Variants in TOX observed in about 807,000 individuals in gnomAD.
TOX encodes the protein thymocyte selection-associated high mobility group box protein TOX.
In TOX, 11 loss-of-function variants were observed where a neutral mutation model predicts 53.7. The ratio of observed to expected loss-of-function variants is 0.20; its 90% CI spans 0.13 to 0.34. The LOEUF (loss-of-function observed/expected upper bound fraction) is 0.34. Among genes scored for constraint, TOX ranks in the 10% least tolerant of loss-of-function variants. The pLI is 1.00. For synonymous variants in TOX, 225 were observed against 245.3 expected, an observed-to-expected ratio of 0.92 and a Z score of 0.77; for missense variants, 570 against 664.6, an observed-to-expected ratio of 0.86 and a Z score of 1.56.
In TOX at chr8:59,089,119, C is replaced by T. The variant is rs530090308; in HGVS notation, c.102+29767G>A. On this transcript the variant is annotated intron_variant, in intron 1 of 8. Coordinates refer to ENST00000361421, the MANE Select transcript of TOX (RefSeq NM_014729.3). ...CTCTGAAATCACTTTGTGAAAGGCA[C>T]GCTAACAGAGCTTCATGCTGATAAT... Among the ~76,000 whole-genome samples, 39 of 152,302 alleles carry T rather than the reference C, an allele frequency of 2.6e-4. No individual in the cohort carries two copies. In the South Asian group the frequency reaches 2.7e-3, roughly 11 times the overall value.
rs199780516 is a variant in TOX, at chr8:58,815,765, A to G, written c.1006-41T>C. 73 of 1,554,408 alleles carry G rather than the reference A, an allele frequency of 4.7e-5. No homozygotes were observed. The Middle Eastern group carries it at 8.7e-4, about 18-fold the overall frequency. On this transcript the variant is annotated intron_variant, in intron 6 of 8. Coordinates refer to ENST00000361421, the MANE Select transcript of TOX (RefSeq NM_014729.3). ...ATGAGCAGAGTTGGGAGGCTGATAC[A>G]TGAGTGTTGATTCAAGGTATGACGC...
chr8:59,021,858 A>G (rs1814143157), intron 1 of TOX, among the ~76,000 whole-genome samples: 1 of 152,112 alleles, frequency 6.6e-6, no homozygotes, highest in South Asian at 2.1e-4. Flanking sequence ...ATTAAATTTT[A>G]TTAGGTGATA....
At chr8:59,006,432 A>G (rs1813793885) in intron 1 of TOX, among the ~76,000 whole-genome samples, 1 of 152,170 alleles carries the variant, frequency 6.6e-6, no homozygotes, top group Non-Finnish European at 1.5e-5. Flanking sequence ...GGATGTTTGC[A>G]CTGGGGAAGG....
At position 58,959,954 on chromosome 8, in the gene TOX, G is replaced by A; in HGVS notation, c.157C>T (p.Pro53Ser). The change falls in exon 2 of 9, where the codon CCA becomes TCA. Residue 53 changes from proline to serine, a missense_variant. Pro to Ser is a moderately conservative substitution (Grantham distance 74). Transcript: ENST00000361421. ...SMTEPSQDYV[P>S]ASQSYPGPSL... is the part of the protein sequence containing the mutation. ...ATTAATTAACCCACCTGGCTGGCTG[G>A]CACATAGTCCTGGCTCGGCTCTGTC... 1 of 1,614,188 alleles carries A rather than the reference G, an allele frequency of 6.2e-7. No homozygotes were observed. Among genetic ancestry groups the A allele is most frequent in the Non-Finnish European group, 8.5e-7 (1 of 1,180,034 alleles).
chr8:58,955,106 T>G (rs1812688496), intron 2 of TOX, among the ~76,000 whole-genome samples: 1 of 152,236 alleles, frequency 6.6e-6, no homozygotes. Context: ...AATGCTTAGT[T>G]GTAACTGATT....
At chr8:59,085,635 G>A (rs1286423554) in intron 1 of TOX, among the ~76,000 whole-genome samples, 2 of 152,192 alleles carry the variant, frequency 1.3e-5, no homozygotes, top group African/African-American at 2.4e-5. Flanking sequence ...CAATCCTCCT[G>A]CCTTGGCCTT....
intron 1 of TOX, among the ~76,000 whole-genome samples, chr8:59,002,211 T>C (rs934230588): frequency 2.7e-5 from 4 of 147,112 alleles, no homozygotes; most frequent in Admixed American, 2.0e-4. Context: ...TGACCTAGGG[T>C]GATCTGCCCA....
intron 3 of TOX, among the ~76,000 whole-genome samples, chr8:58,870,979 C>T (rs567572928): frequency 6.6e-6 from 1 of 152,038 alleles, no homozygotes; most frequent in African/African-American, 2.4e-5. Flanking sequence ...ATACCAAAAC[C>T]TGCACACAAG....
chr8:58,967,899 C>T (rs1414422137), intron 1 of TOX, among the ~76,000 whole-genome samples: 1 of 152,144 alleles, frequency 6.6e-6, no homozygotes, highest in Non-Finnish European at 1.5e-5. Context: ...CCCAATGGTA[C>T]CAGTTAGTAA....
intron 1 of TOX, among the ~76,000 whole-genome samples, chr8:59,115,858 C>A (rs1426293251): frequency 6.6e-6 from 1 of 152,046 alleles, no homozygotes; most frequent in Non-Finnish European, 1.5e-5. Context: ...GTGATATGTT[C>A]ATAACGTGTA....
At chr8:58,986,302 A>G (rs1813326647) in intron 1 of TOX, among the ~76,000 whole-genome samples, 1 of 152,176 alleles carries the variant, frequency 6.6e-6, no homozygotes, top group African/African-American at 2.4e-5. Flanking sequence ...CTACTACAGG[A>G]TTTAGAAATA....
chr8:58,821,463 T>C (rs1409342893), intron 6 of TOX, among the ~76,000 whole-genome samples: 1 of 152,080 alleles, frequency 6.6e-6, no homozygotes, highest in Non-Finnish European at 1.5e-5. Flanking sequence ...ACACTTAACA[T>C]GAGATCTACC....
intron 1 of TOX, among the ~76,000 whole-genome samples, chr8:59,025,020 C>A (rs1196080902): frequency 6.6e-6 from 1 of 152,122 alleles, no homozygotes; most frequent in Non-Finnish European, 1.5e-5. Context: ...AAAGTTCAAT[C>A]TCCATATTTC....
At chr8:59,031,353 G>A (rs1814352368) in intron 1 of TOX, among the ~76,000 whole-genome samples, 2 of 152,192 alleles carry the variant, frequency 1.3e-5, no homozygotes. Flanking sequence ...AGGTGCCTAT[G>A]TTTCACACCA....
chr8:59,001,070 C>T (rs985941472), intron 1 of TOX, among the ~76,000 whole-genome samples: 2 of 152,072 alleles, frequency 1.3e-5, no homozygotes, highest in Non-Finnish European at 2.9e-5. Flanking sequence ...AGTCTTTGCA[C>T]AGTAGAAATC....
intron 1 of TOX, among the ~76,000 whole-genome samples, chr8:59,062,995 A>G (rs1464019256): frequency 6.6e-6 from 1 of 152,202 alleles, no homozygotes; most frequent in Non-Finnish European, 1.5e-5. Flanking sequence ...AAGTTTATAC[A>G]TTTATTCCAT....
At chr8:58,914,874 G>GCATTGCCT (rs1349768968) in intron 3 of TOX, among the ~76,000 whole-genome samples, 2 of 152,028 alleles carry the variant, frequency 1.3e-5, no homozygotes, top group Non-Finnish European at 2.9e-5. Context: ...GCAGGGCGAG[G>GCATTGCCT]CATTGCCTCA....
chr8:58,816,792 C>A (rs564573067), intron 6 of TOX, among the ~76,000 whole-genome samples: 1 of 152,178 alleles, frequency 6.6e-6, no homozygotes. Context: ...TGAGGGCTCT[C>A]GGGGTCCTTC....
At chr8:59,043,436 A>C (rs1803629525) in intron 1 of TOX, among the ~76,000 whole-genome samples, 1 of 151,722 alleles carries the variant, frequency 6.6e-6, no homozygotes, top group Admixed American at 6.6e-5. Context: ...TTTCAAAATA[A>C]ATTATAGGAA....
Sources: gnomAD v4.1 joint callset for allele counts (sites outside exome capture counted in the v4.1 genomes callset) on GRCh38, gnomAD v4.1.1 for gene constraint, MANE v1.5 for transcripts, NCBI Gene and HGNC (gene_info 2026-07-23, HGNC 2026-07-21) for gene names.